Variants in DEPDC5 observed in about 807,000 individuals in gnomAD.
DEPDC5 encodes DEP domain containing 5, GATOR1 subcomplex subunit, also known as GATOR1 complex protein DEPDC5.
In DEPDC5, 73 loss-of-function variants were observed where a neutral mutation model predicts 217.3. The ratio of observed to expected loss-of-function variants is 0.34; its 90% CI spans 0.28 to 0.41. The LOEUF (loss-of-function observed/expected upper bound fraction) is 0.41. Among genes scored for constraint, DEPDC5 ranks in the 10% least tolerant of loss-of-function variants. DEPDC5 has a pLI of 1.00. For missense variants in DEPDC5, 1,675 were observed against 2,070.1 expected (o/e 0.81, Z 3.70); for synonymous variants, 733 against 756.7 (o/e 0.97, Z 0.51).
intron 10 of DEPDC5, among the ~76,000 whole-genome samples, chr22:31,791,376 C>G: frequency 6.6e-6 from 1 of 152,090 alleles, no homozygotes; most frequent in South Asian, 2.1e-4. Context: ...GGGCCTCACA[C>G]CTGTAATCCC....
intron 39 of DEPDC5, among the ~76,000 whole-genome samples, chr22:31,895,053 A>AGAATCGC (rs2149385535): frequency 6.8e-6 from 1 of 146,262 alleles, no homozygotes; most frequent in South Asian, 2.4e-4. Context: ...CTGAGGCAGG[A>AGAATCGC]GAATCGCTTG....
intron 38 of DEPDC5, among the ~76,000 whole-genome samples, chr22:31,889,627 G>A (rs1181565450): frequency 3.0e-5 from 4 of 134,104 alleles, no homozygotes; most frequent in Non-Finnish European, 4.6e-5. Context: ...TGCAAGCTCC[G>A]CCTCCCAGGT....
intron 38 of DEPDC5, among the ~76,000 whole-genome samples, chr22:31,893,107 C>T (rs534314183): frequency 1.3e-5 from 2 of 152,106 alleles, no homozygotes; most frequent in East Asian, 3.9e-4. Context: ...ATCTCTTGAC[C>T]TCGTGATCTG....
At chr22:31,755,196 G>A (rs2075217454) in intron 2 of DEPDC5, 2 of 504,412 alleles carry the variant, frequency 4.0e-6, no homozygotes, top group Non-Finnish European at 7.0e-6. Flanking sequence ...GAATGCTGCC[G>A]GTTTACTACC....
intron 38 of DEPDC5, among the ~76,000 whole-genome samples, chr22:31,882,692 A>T (rs1428976539): frequency 6.6e-6 from 1 of 152,136 alleles, no homozygotes; most frequent in Admixed American, 6.5e-5. Flanking sequence ...TAAATCTGTT[A>T]AATTTTGATC....
chr22:31,800,810 C>G (rs1192633183), intron 14 of DEPDC5, among the ~76,000 whole-genome samples: 1 of 151,336 alleles, frequency 6.6e-6, no homozygotes, highest in South Asian at 2.1e-4. Context: ...AACCCTGTCT[C>G]TACTAAAAAT....
intron 38 of DEPDC5, among the ~76,000 whole-genome samples, 167 bp from the exon 39 acceptor site, chr22:31,893,415 T>C (rs1237551405): frequency 1.3e-5 from 2 of 152,226 alleles, no homozygotes; most frequent in Non-Finnish European, 2.9e-5. Flanking sequence ...TGGGGCCTTT[T>C]ACAGAAAGGT....
intron 37 of DEPDC5, among the ~76,000 whole-genome samples, chr22:31,876,918 C>T (rs936217905): frequency 4.6e-5 from 7 of 152,016 alleles, no homozygotes; most frequent in South Asian, 4.2e-4. Flanking sequence ...TTTGGGAGGC[C>T]GAGGCTGGCA....
chr22:31,835,574 G>T (rs1207233595), intron 25 of DEPDC5, among the ~76,000 whole-genome samples: 3 of 152,152 alleles, frequency 2.0e-5, no homozygotes, highest in African/African-American at 7.2e-5. Context: ...GCTGATGATG[G>T]CCAGGATGAT....
intron 22 of DEPDC5, among the ~76,000 whole-genome samples, chr22:31,820,585 G>C (rs570615583): frequency 1.3e-5 from 2 of 152,038 alleles, no homozygotes; most frequent in East Asian, 1.9e-4. Flanking sequence ...CCTTATCTCT[G>C]CTATAATCAG....
intron 39 of DEPDC5, among the ~76,000 whole-genome samples, chr22:31,896,513 A>G (rs1203674293): frequency 6.7e-6 from 1 of 148,906 alleles, no homozygotes; most frequent in African/African-American, 2.5e-5. Flanking sequence ...CCAGAACCAC[A>G]TCGATCAACC....
chr22:31,856,044 A>C (rs1486041004), intron 31 of DEPDC5, among the ~76,000 whole-genome samples: 1 of 151,802 alleles, frequency 6.6e-6, no homozygotes, highest in African/African-American at 2.4e-5. Context: ...AGAGATGGGG[A>C]AGAAACCGGA....
chr22:31,894,700 C>T (rs1202318391), intron 39 of DEPDC5: 1 of 151,742 alleles, frequency 6.6e-6, no homozygotes, highest in Non-Finnish European at 1.5e-5. Context: ...CAAAAATTAC[C>T]CAGGCATGGT....
rs377467999 is a variant in DEPDC5 at position 31,838,701 on chromosome 22, G to A, written c.2371G>A (p.Val791Met). The change falls in exon 27 of 43, where the codon GTG becomes ATG. Residue 791 changes from valine to methionine, a missense_variant. Val to Met is a conservative substitution (Grantham distance 21). Around this residue, in one of 11 missense-constraint regions of DEPDC5, gnomAD observed 293 missense variants for 386.1 expected, o/e 0.76. Coordinates refer to ENST00000651528, the MANE Select transcript of DEPDC5 (RefSeq NM_001242896.3). ...TGTTTTCAGGAGGGACGAAGATGGT[G>A]TGCAGATGACAGCCCAGCAGGTATT... ...ADIDRRDEDG[V>M]QMTAQQVFEE... 6.2e-6 allele frequency: 10 copies of A among 1,613,992 alleles called. No homozygotes were observed. The highest frequency in any genetic ancestry group is 8.5e-6 in the Non-Finnish European group (10 of 1,180,020).
At chr22:31,868,398 A>G (rs562118169) in intron 33 of DEPDC5, among the ~76,000 whole-genome samples, 1 of 152,154 alleles carries the variant, frequency 6.6e-6, no homozygotes, top group Non-Finnish European at 1.5e-5. Context: ...TACTGCTGAG[A>G]CTGAGAAGCC....
chr22:31,836,362 G>A (rs2090996025), intron 25 of DEPDC5, among the ~76,000 whole-genome samples: 1 of 152,234 alleles, frequency 6.6e-6, no homozygotes, highest in African/African-American at 2.4e-5. Flanking sequence ...GACCCATGTG[G>A]TCAGGACTGC....
rs2093767794 is a variant in DEPDC5, at chr22:31,906,878, T to C, written c.*381T>C. The C allele has an allele frequency of 5.9e-6, 2 of 337,676 alleles. No homozygotes were observed. Among genetic ancestry groups the C allele is most frequent in the Non-Finnish European group, 1.1e-5 (2 of 180,616 alleles). The allele number at this position is 337,676 out of a possible 1,614,324, so 20.9% of individuals were successfully genotyped here. A position where few individuals can be genotyped will look rare whatever the true frequency, so the allele number is the denominator to read the frequency against. On this transcript the variant is annotated 3_prime_UTR_variant, in exon 43 of 43. Coordinates refer to ENST00000651528, the MANE Select transcript of DEPDC5 (RefSeq NM_001242896.3). The surrounding 1 kb of genome is among the most constrained non-coding windows in gnomAD (Gnocchi z 5.1). ...TTTTCCTTCACCATCTATGGGATAT[T>C]AGGGGCAGAATCTGCCACTTCTTGC...
intron 25 of DEPDC5, among the ~76,000 whole-genome samples, chr22:31,834,899 T>C (rs934517152): frequency 6.6e-6 from 1 of 152,228 alleles, no homozygotes; most frequent in Non-Finnish European, 1.5e-5. Context: ...AATGGCAACA[T>C]TAAGCATATT....
At chr22:31,783,833 CA>C in intron 8 of DEPDC5, 73 bp from the exon 9 acceptor site, 1 of 1,297,400 alleles carries the variant, frequency 7.7e-7, no homozygotes, top group Non-Finnish European at 1.1e-6. Context: ...AGCAGATCTT[CA>C]GAACTTTTTC....
Sources: allele counts gnomAD v4.1 joint callset (sites outside exome capture counted in the v4.1 genomes callset), GRCh38; gene constraint gnomAD v4.1.1; regional missense constraint gnomAD v4.1.1; non-coding constraint Gnocchi (gnomAD v3.1); transcripts MANE v1.5; gene names NCBI Gene and HGNC (gene_info 2026-07-23, HGNC 2026-07-21).